PTPN13: variants seen among roughly 807,000 people sequenced by gnomAD.
PTPN13 encodes tyrosine-protein phosphatase non-receptor type 13.
A neutral mutation model predicts 284.0 loss-of-function variants in PTPN13; 191 were observed. That is an observed-to-expected ratio of 0.67 (90% CI 0.60 to 0.76). PTPN13 has a LOEUF of 0.76. PTPN13 is among the 30% of genes least tolerant of loss of function. PTPN13 has a pLI of 0.00. For missense variants in PTPN13, 2,797 were observed against 2,939.9 expected, an observed-to-expected ratio of 0.95 and a Z score of 1.12; for synonymous variants, 986 against 1,022.3, an observed-to-expected ratio of 0.96 and a Z score of 0.68.
chr4:86,737,876 A>C (rs1191492376), intron 15 of PTPN13, among the ~76,000 whole-genome samples: 1 of 152,000 alleles, frequency 6.6e-6, no homozygotes, highest in Admixed American at 6.6e-5. Context: ...CTACAGGCAC[A>C]TGCCACCACG....
Position 86,725,921 on chromosome 4 carries a change from A to C in PTPN13, c.1608+3487A>C, listed in dbSNP as rs1734197433. ...CCCCATGTCCTGAATGGTATTGCCT[A>C]GGTTTTCTTCTAGGATTTTTATGGC... is the stretch of plus-strand genomic sequence containing the variant. On this transcript the variant is annotated intron_variant, in intron 10 of 47. Transcript: ENST00000411767. Among the ~76,000 whole-genome samples the C allele has an allele frequency of 1.3e-5, 2 of 149,532 alleles. 1 individual carries two copies. Among genetic ancestry groups the C allele is most frequent in the South Asian group, 4.2e-4 (2 of 4,730 alleles).
intron 17 of PTPN13, among the ~76,000 whole-genome samples, chr4:86,747,495 A>G (rs1054008426): frequency 2.0e-5 from 3 of 152,196 alleles, no homozygotes; most frequent in African/African-American, 7.2e-5. Context: ...TACTACTACT[A>G]TACTATATGC....
chr4:86,758,371 G>T (rs751518365), intron 21 of PTPN13, 22 bp downstream of exon 21: 1 of 1,543,446 alleles, frequency 6.5e-7, no homozygotes, highest in Non-Finnish European at 8.9e-7. Flanking sequence ...TGAGATTCTT[G>T]AAGGTCTATG....
At position 86,741,682 on chromosome 4, in the gene PTPN13, C is replaced by T; in HGVS notation, c.2353C>T (p.Pro785Ser). The T allele has an allele frequency of 1.2e-6, 2 of 1,613,646 alleles. No homozygotes were observed. The highest frequency in any genetic ancestry group is 2.2e-5 in the South Asian group (2 of 91,020). Residue 785 changes from proline to serine, a missense_variant, in exon 16 of 48, where the codon CCT becomes TCT. Physicochemically the swap from Pro to Ser is moderately conservative, Grantham distance 74. Transcript: ENST00000411767. ...EYGVHFHRVH[P>S]EKKSQTGILL... ...TGGAGTTCATTTTCACCGAGTGCAC[C>T]CTGAGAAGAAGTCACAAACAGGAAT...
chr4:86,709,149 C>T (rs1279918918), intron 7 of PTPN13, among the ~76,000 whole-genome samples: 2 of 152,064 alleles, frequency 1.3e-5, no homozygotes, highest in African/African-American at 4.8e-5. Flanking sequence ...GATCTACCTG[C>T]CTACTTACCT....
chr4:86,661,925 T>C (rs1726534224), intron 2 of PTPN13, among the ~76,000 whole-genome samples: 2 of 152,168 alleles, frequency 1.3e-5, no homozygotes, highest in South Asian at 4.1e-4. Context: ...ACCCCAAGAT[T>C]TATGCAGATT....
At position 86,780,470 on chromosome 4, in the gene PTPN13, A is replaced by G. The variant is rs756420343; in HGVS notation, c.5960A>G (p.Asn1987Ser). ...AVSAPKSTKG[N>S]GSYSVGSCSQ... The stretch of plus-strand genomic sequence containing the variant: ...TCAGCTCCAAAGTCAACCAAAGGCA[A>G]TGGTAAGGATATATTCATTTTACTG... The change falls in exon 36 of 48, where the codon AAT becomes AGT. Residue 1987 changes from asparagine to serine, a missense_variant and splice_region_variant. Transcript: ENST00000411767. 7.5e-6 allele frequency: 12 copies of G among 1,592,662 alleles called. No homozygotes were observed. The South Asian group carries it at 1.1e-4, about 15-fold the overall frequency.
chr4:86,807,643 T>A lies in PTPN13; in HGVS notation c.6829T>A (p.Phe2277Ile), dbSNP rs199502086. The A allele has an allele frequency of 2.5e-6, 4 of 1,613,796 alleles. No homozygotes were observed. ...TAAGATACCAGTTGGGAAAGAAGAG[T>A]TCGTTTACATTGCCTGCCAAGGACC... ...FIKIPVGKEE[F>I]VYIACQGPLP... is the part of the protein sequence containing the mutation. Residue 2277 changes from phenylalanine (F) to isoleucine (I), a missense_variant, in exon 45 of 48, where the codon TTC (phenylalanine) becomes ATC (isoleucine). Phe to Ile is a conservative substitution (Grantham distance 21). Transcript: ENST00000411767.
chr4:86,609,682 G>A (rs1765090311), intron 1 of PTPN13, among the ~76,000 whole-genome samples: 1 of 151,932 alleles, frequency 6.6e-6, no homozygotes, highest in African/African-American at 2.4e-5. Context: ...AGTCAAACAT[G>A]TTTCACACTT....
intron 2 of PTPN13, among the ~76,000 whole-genome samples, chr4:86,640,407 A>C (rs1167584684): frequency 6.6e-6 from 1 of 152,220 alleles, no homozygotes; most frequent in Admixed American, 6.5e-5. Flanking sequence ...TGATGGCACT[A>C]TTCAGTCAAT....
At chr4:86,793,110 A>G (rs961013592) in intron 40 of PTPN13, among the ~76,000 whole-genome samples, 1 of 149,840 alleles carries the variant, frequency 6.7e-6, no homozygotes, top group African/African-American at 2.5e-5. Flanking sequence ...TATTCAGGAG[A>G]CCCATCTCAT....
chr4:86,787,090 C>T (rs1021733210), intron 40 of PTPN13, among the ~76,000 whole-genome samples: 1 of 148,266 alleles, frequency 6.7e-6, no homozygotes, highest in South Asian at 2.1e-4. Context: ...GGCAATGGAG[C>T]GAGACTCAGT....
chr4:86,638,126 G>A (rs192093704), intron 2 of PTPN13, among the ~76,000 whole-genome samples: 6 of 152,286 alleles, frequency 3.9e-5, no homozygotes, highest in African/African-American at 9.6e-5. Context: ...TACAAGGAAC[G>A]TGAAGGACCT....
In PTPN13 at chr4:86,734,957, G is replaced by A. The variant is rs183019075; in HGVS notation, c.2151+82G>A. The A allele has an allele frequency of 9.2e-5, 133 of 1,444,046 alleles. No homozygotes were observed. In the African/African-American group the frequency reaches 1.7e-3, roughly 18 times the overall value. 89.5% of individuals were successfully genotyped at this position (1,444,046 alleles called of 1,614,324 possible). A position where few individuals can be genotyped will look rare whatever the true frequency, so the allele number is the denominator to read the frequency against. On this transcript the variant is annotated intron_variant, in intron 14 of 47. Coordinates refer to ENST00000411767, the MANE Select transcript of PTPN13 (RefSeq NM_080683.3). Reference sequence around the variant, plus strand: ...TAGTTAATGACTAAACCTGATTCAGGTGTTTGATGTTTAGATCTGAAGATT... The same window carrying A: ...TAGTTAATGACTAAACCTGATTCAGATGTTTGATGTTTAGATCTGAAGATT...
At chr4:86,811,673 GC>G (rs1388703648) in intron 47 of PTPN13, among the ~76,000 whole-genome samples, 2 of 152,170 alleles carry the variant, frequency 1.3e-5, no homozygotes, top group Non-Finnish European at 2.9e-5. Context: ...CACAGGGAGT[GC>G]CGTATTTAGA....
At chr4:86,660,552 T>A (rs1726365779) in intron 2 of PTPN13, among the ~76,000 whole-genome samples, 2 of 152,140 alleles carry the variant, frequency 1.3e-5, no homozygotes, top group South Asian at 2.1e-4. Flanking sequence ...TAGCCATAAT[T>A]TTGTTGATTA....
intron 3 of PTPN13, among the ~76,000 whole-genome samples, chr4:86,676,038 AATCT>A (rs534635418): frequency 1.3e-3 from 198 of 152,308 alleles, no homozygotes; most frequent in African/African-American, 4.7e-3. Flanking sequence ...AATAATAGTA[AATCT>A]ATTTACCCAA....
In PTPN13 at chr4:86,809,737, C is replaced by T. The variant is rs139763976; in HGVS notation, c.7084-32C>T. ...ACTGTATGTGAACAATATAACATGT[C>T]ATGATCCACTTATTCTGTTATACAA... is the stretch of plus-strand genomic sequence containing the variant. On this transcript the variant is annotated intron_variant, in intron 45 of 47. Transcript: ENST00000411767. 715 of 1,553,262 alleles carry T rather than the reference C, an allele frequency of 4.6e-4. 11 individuals carry two copies. The African/African-American group carries it at 8.8e-3, about 19-fold the overall frequency.
intron 25 of PTPN13, 54 bp from the exon 26 acceptor site, chr4:86,765,339 AAG>A: frequency 7.2e-7 from 1 of 1,394,144 alleles, no homozygotes; most frequent in Non-Finnish European, 9.9e-7. Context: ...TGAGATTTGA[AAG>A]AGAGTGCAAA....
Sources: gnomAD v4.1 joint callset for allele counts (sites outside exome capture counted in the v4.1 genomes callset) on GRCh38, gnomAD v4.1.1 for gene constraint, MANE v1.5 for transcripts, NCBI Gene and HGNC (gene_info 2026-07-23, HGNC 2026-07-21) for gene names.